ADAM10: variants seen among roughly 807,000 people sequenced by gnomAD.
ADAM10 encodes disintegrin and metalloproteinase domain-containing protein 10.
Under a neutral mutation model 90.1 loss-of-function variants are expected in ADAM10, and 17 were observed. The observed-to-expected ratio is 0.19, with a 90% CI of 0.13 to 0.28. ADAM10 has a LOEUF of 0.28. Among genes scored for constraint, ADAM10 ranks in the 10% least tolerant of loss-of-function variants. The probability of loss-of-function intolerance (pLI) is 1.00; values close to 1 mark genes in which losing one functional copy is unlikely to be tolerated. For synonymous variants in ADAM10, 310 were observed against 298.6 expected (o/e 1.04, Z -0.40); for missense variants, 610 against 914.3 (o/e 0.67, Z 4.29).
chr15:58,632,426 A>C (rs918018543), intron 9 of ADAM10, among the ~76,000 whole-genome samples: 4 of 152,214 alleles, frequency 2.6e-5, no homozygotes, highest in Non-Finnish European at 5.9e-5. Flanking sequence ...ATTGGCTCTG[A>C]ATTAGGGGTT....
At chr15:58,634,173 T>C (rs917114127) in intron 8 of ADAM10, among the ~76,000 whole-genome samples, 2 of 151,782 alleles carry the variant, frequency 1.3e-5, no homozygotes, top group African/African-American at 4.8e-5. Context: ...TAGCTGGGTG[T>C]GGTGGTGCAC....
intron 1 of ADAM10, among the ~76,000 whole-genome samples, chr15:58,731,376 T>G (rs1326908603): frequency 6.6e-6 from 1 of 151,996 alleles, no homozygotes; most frequent in African/African-American, 2.4e-5. Flanking sequence ...CCTAACACTT[T>G]GGGGGGCCGA....
chr15:58,661,919 T>C (rs1260903611), intron 5 of ADAM10, among the ~76,000 whole-genome samples: 1 of 152,188 alleles, frequency 6.6e-6, no homozygotes, highest in Non-Finnish European at 1.5e-5. Flanking sequence ...AGAAGTTCCA[T>C]TTGGTTCTTT....
chr15:58,694,325 C>T (rs1244445636), intron 2 of ADAM10, among the ~76,000 whole-genome samples: 1 of 152,106 alleles, frequency 6.6e-6, no homozygotes, highest in African/African-American at 2.4e-5. Context: ...GTGGCAGGTG[C>T]CTGTAATCTC....
chr15:58,636,664 T>C (rs1438769159), intron 8 of ADAM10, among the ~76,000 whole-genome samples: 1 of 152,138 alleles, frequency 6.6e-6, no homozygotes, highest in Non-Finnish European at 1.5e-5. Context: ...ATCTACAGGA[T>C]AGTTTGAGAG....
chr15:58,745,681 T>A (rs1449730803), intron 1 of ADAM10, among the ~76,000 whole-genome samples: 1 of 152,174 alleles, frequency 6.6e-6, no homozygotes, highest in Middle Eastern at 3.2e-3. Context: ...TGGAGCCATC[T>A]ATACAAGATA....
intron 1 of ADAM10, among the ~76,000 whole-genome samples, chr15:58,733,765 C>A (rs1023825425): frequency 6.6e-6 from 1 of 151,738 alleles, no homozygotes; most frequent in Non-Finnish European, 1.5e-5. Flanking sequence ...ATATTTAAAT[C>A]TTTTATTCAT....
chr15:58,689,565 A>C (rs577555156), intron 2 of ADAM10, among the ~76,000 whole-genome samples: 2 of 152,268 alleles, frequency 1.3e-5, no homozygotes, highest in South Asian at 4.1e-4. Context: ...AACAATGTCA[A>C]TCCAAATTCT....
At chr15:58,640,000 C>T (rs1896373340) in intron 8 of ADAM10, among the ~76,000 whole-genome samples, 2 of 151,962 alleles carry the variant, frequency 1.3e-5, no homozygotes, top group Non-Finnish European at 2.9e-5. Context: ...AATTTATATT[C>T]AAAGAGCCTG....
chr15:58,691,208 G>A (rs1404572104), intron 2 of ADAM10: 1 of 769,560 alleles, frequency 1.3e-6, no homozygotes. Context: ...TGAGCCTGCA[G>A]AGGTTCTCAA....
chr15:58,647,549 AC>A (rs1292281468), intron 5 of ADAM10, among the ~76,000 whole-genome samples: 1 of 141,674 alleles, frequency 7.1e-6, no homozygotes, highest in Non-Finnish European at 1.5e-5. Flanking sequence ...CAGAGCCACC[AC>A]CCCCGCCAAG....
At chr15:58,636,143 G>A (rs1896243965) in intron 8 of ADAM10, among the ~76,000 whole-genome samples, 2 of 152,062 alleles carry the variant, frequency 1.3e-5, no homozygotes, top group Admixed American at 1.3e-4. Flanking sequence ...CAGGCGAGGT[G>A]GTGCATGCAT....
chr15:58,634,902 G>C (rs1372270042), intron 8 of ADAM10, among the ~76,000 whole-genome samples: 2 of 152,152 alleles, frequency 1.3e-5, no homozygotes, highest in South Asian at 4.2e-4. Context: ...CCCTAATAAA[G>C]CATGTAACAG....
At chr15:58,647,834 G>A (rs1424088476) in intron 5 of ADAM10, among the ~76,000 whole-genome samples, 3 of 152,130 alleles carry the variant, frequency 2.0e-5, no homozygotes, top group African/African-American at 7.2e-5. Flanking sequence ...ATTACAGGCA[G>A]GAGCCACTGT....
intron 2 of ADAM10, among the ~76,000 whole-genome samples, chr15:58,699,243 C>T (rs1898063409): frequency 6.6e-6 from 1 of 152,076 alleles, no homozygotes; most frequent in Non-Finnish European, 1.5e-5. Context: ...ACTACACAAG[C>T]AAAAACAGGT....
At chr15:58,605,371 C>CA (rs1281035697) in intron 14 of ADAM10, among the ~76,000 whole-genome samples, 15 of 151,954 alleles carry the variant, frequency 9.9e-5, no homozygotes, top group Admixed American at 9.8e-4. Context: ...TGGCAATAGA[C>CA]AAAAGACAGT....
intron 2 of ADAM10, among the ~76,000 whole-genome samples, chr15:58,688,069 C>T (rs1327836345): frequency 6.6e-6 from 1 of 152,042 alleles, no homozygotes; most frequent in Non-Finnish European, 1.5e-5. Context: ...ACTGATGAAA[C>T]CCAAATAAAC....
intron 4 of ADAM10, 105 bp from the exon 5 acceptor site, chr15:58,665,302 A>G (rs1298622970): frequency 2.2e-6 from 2 of 904,192 alleles, no homozygotes; most frequent in Non-Finnish European, 3.7e-6. Flanking sequence ...AATGAAAACC[A>G]TAAATGCTTA....
At position 58,749,516 on chromosome 15, in the gene ADAM10, A is replaced by T; in HGVS notation, c.19T>A (p.Leu7Ile). The stretch of plus-strand genomic sequence containing the variant: ...GCCGCCCAGGAGAGGAGCAGAATTA[A>T]CACTCTCAGCAACACCATCTTCCGC... MVLLRV[L>I]ILLLSWAAGM... The change falls in exon 1 of 16, where the codon TTA (leucine) becomes ATA (isoleucine). Residue 7 changes from leucine to isoleucine, a missense_variant. By Grantham distance (5) the Leu-to-Ile change is conservative. Transcript: ENST00000260408. The T allele has an allele frequency of 6.4e-7, 1 of 1,554,094 alleles. No individual in the cohort carries two copies. The highest frequency in any genetic ancestry group is 8.7e-7 in the Non-Finnish European group (1 of 1,148,564).
Sources: gnomAD v4.1 joint callset for allele counts (sites outside exome capture counted in the v4.1 genomes callset) on GRCh38, gnomAD v4.1.1 for gene constraint, MANE v1.5 for transcripts, NCBI Gene and HGNC (gene_info 2026-07-23, HGNC 2026-07-21) for gene names.